The following MYO7B variants were observed in gnomAD, a reference collection of about 807,000 sequenced individuals.
MYO7B encodes the protein myosin VIIB.
Under a neutral mutation model 259.7 loss-of-function variants are expected in MYO7B, and 212 were observed. The observed-to-expected ratio is 0.82, with a 90% CI of 0.73 to 0.91. MYO7B has a LOEUF of 0.91. Among genes scored for constraint, MYO7B ranks in the 40% least tolerant of loss-of-function variants. The pLI is 0.00. For synonymous variants in MYO7B, 1,197 were observed against 1,166.4 expected, an observed-to-expected ratio of 1.03 and a Z score of -0.54; for missense variants, 2,732 against 2,813.5, an observed-to-expected ratio of 0.97 and a Z score of 0.66.
chr2:127,635,790 C>G lies in MYO7B; in HGVS notation c.5889C>G (p.Leu1963=). Residue 1963 remains leucine (L), a synonymous_variant, in exon 44 of 48, where the codon CTC becomes CTG. Transcript: ENST00000409816. ...SREDAIHLAG[L]IYKAQFNNDR... Reference sequence around the variant, plus strand: ...AGGATGCCATCCACCTGGCGGGCCTCATCTACAAGGCCCAGTTCAACAACG... The same window carrying G: ...AGGATGCCATCCACCTGGCGGGCCTGATCTACAAGGCCCAGTTCAACAACG... The G allele has an allele frequency of 6.3e-7, 1 of 1,597,226 alleles. No individual in the cohort carries two copies. The highest frequency in any genetic ancestry group is 8.5e-7 in the Non-Finnish European group (1 of 1,172,140).
Position 127,628,552 on chromosome 2 carries a change from G to T in MYO7B, c.4624+17G>T. 8.5e-7 allele frequency: 1 copy of T among 1,177,836 alleles called. No individual in the cohort carries two copies. The highest frequency in any genetic ancestry group is 2.7e-5 in the East Asian group (1 of 37,304). 73.0% of individuals were successfully genotyped at this position (1,177,836 alleles called of 1,614,324 possible). Reference sequence around the variant, plus strand: ...AGGCCACAGGTGCCAGACTGGGTGGGGTGGGGTGGGGTGGGGTGGGGTGGG... The same window carrying T: ...AGGCCACAGGTGCCAGACTGGGTGGTGTGGGGTGGGGTGGGGTGGGGTGGG... On this transcript the variant is annotated intron_variant, in intron 34 of 47. Coordinates refer to ENST00000409816, the MANE Select transcript of MYO7B (RefSeq NM_001393586.1). The surrounding 1 kb of genome is among the most constrained non-coding windows in gnomAD (Gnocchi z 4.8).
At chr2:127,626,942 G>A (rs769852505) in intron 31 of MYO7B, 33 bp from the exon 32 acceptor site, 35 of 1,568,898 alleles carry the variant, frequency 2.2e-5, no homozygotes, top group Non-Finnish European at 2.7e-5. Context: ...GGGAAGGCAG[G>A]TGACGGAGGT....
At chr2:127,573,284 CTGAG>C (rs1678723188) in intron 6 of MYO7B, among the ~76,000 whole-genome samples, 1 of 152,200 alleles carries the variant, frequency 6.6e-6, no homozygotes, top group African/African-American at 2.4e-5. Context: ...AGAACTAGTA[CTGAG>C]TATTTTGTTC....
chr2:127,564,714 C>T (rs1678258451), intron 3 of MYO7B, among the ~76,000 whole-genome samples: 2 of 152,172 alleles, frequency 1.3e-5, no homozygotes, highest in Non-Finnish European at 2.9e-5. Context: ...GGTCACTTAG[C>T]TCCTCAGATT....
At chr2:127,625,261 C>A in intron 30 of MYO7B, 107 bp from the exon 31 acceptor site, 2 of 1,308,278 alleles carry the variant, frequency 1.5e-6, no homozygotes, top group Non-Finnish European at 2.0e-6. Flanking sequence ...CACAGGTTAG[C>A]TCCCCTGTGA....
chr2:127,610,926 A>T (rs180961110), intron 24 of MYO7B, among the ~76,000 whole-genome samples: 1 of 152,192 alleles, frequency 6.6e-6, no homozygotes, highest in Non-Finnish European at 1.5e-5. Flanking sequence ...CTGTGTAACA[A>T]ATTACCCCCC....
At chr2:127,571,442 G>GTTTTTTTTTTTTGTTTTTTTTTTTT (rs1553448473) in intron 6 of MYO7B, among the ~76,000 whole-genome samples, 1 of 41,984 alleles carries the variant, frequency 2.4e-5, no homozygotes. Flanking sequence ...TTACCAGTGA[G>GTTTTTTTTTTTTGTTTTTTTTTTTT]TTTTTTTTTT....
chr2:127,633,530 T>C (rs1681633833), intron 40 of MYO7B, among the ~76,000 whole-genome samples, 167 bp downstream of exon 40: 1 of 152,146 alleles, frequency 6.6e-6, no homozygotes, highest in Non-Finnish European at 1.5e-5. Flanking sequence ...AGGCCCCACC[T>C]GCCCTTGGGT....
Position 127,627,144 on chromosome 2 carries a change from G to C in MYO7B, c.4334-40G>C. On this transcript the variant is annotated intron_variant, in intron 32 of 47. Coordinates refer to ENST00000409816, the MANE Select transcript of MYO7B (RefSeq NM_001393586.1). This position sits in a 1 kb window ranked among gnomAD's most constrained non-coding sequence, Gnocchi z 5.6. ...AGCAGGTATGGGCTGGGCACCCAGGGGTCCCATGCAGCCTTCACACTGCCG... is the reference window on the plus strand; with the variant it reads ...AGCAGGTATGGGCTGGGCACCCAGGCGTCCCATGCAGCCTTCACACTGCCG... The C allele has an allele frequency of 6.2e-7, 1 of 1,603,998 alleles. No homozygotes were observed. The highest frequency in any genetic ancestry group is 8.5e-7 in the Non-Finnish European group (1 of 1,175,488).
chr2:127,597,903 G>T lies in MYO7B; in HGVS notation c.2339+1347G>T, dbSNP rs1466143254. ...TCCGCCCGCCTCAGCCTCTCAAAGT[G>T]CTGGGATTGCAGGTGTGAGCCACTG... On this transcript the variant is annotated intron_variant, in intron 19 of 47. Coordinates refer to ENST00000409816, the MANE Select transcript of MYO7B (RefSeq NM_001393586.1). This position sits in a 1 kb window ranked among gnomAD's most constrained non-coding sequence, Gnocchi z 4.8. Among the ~76,000 whole-genome samples, 1 of 152,052 alleles carries T rather than the reference G, an allele frequency of 6.6e-6. No individual in the cohort carries two copies. Among genetic ancestry groups the T allele is most frequent in the Non-Finnish European group, 1.5e-5 (1 of 68,004 alleles).
intron 37 of MYO7B, 83 bp downstream of exon 37, chr2:127,631,446 C>T: frequency 6.4e-7 from 1 of 1,552,896 alleles, no homozygotes; most frequent in Non-Finnish European, 8.7e-7. Flanking sequence ...CAGCTGTGCT[C>T]TAGGGCAGGA....
intron 1 of MYO7B, among the ~76,000 whole-genome samples, chr2:127,554,731 A>AT (rs920658452): frequency 6.6e-6 from 1 of 151,520 alleles, no homozygotes; most frequent in Non-Finnish European, 1.5e-5. Context: ...GTTGCTGGTA[A>AT]TTTTTTTTAT....
In MYO7B at chr2:127,539,611, G is replaced by A. The variant is rs2104784428; in HGVS notation, c.-24+3780G>A. Among the ~76,000 whole-genome samples the A allele has an allele frequency of 6.6e-6, 1 of 152,290 alleles. No homozygotes were observed. Among genetic ancestry groups the A allele is most frequent in the East Asian group, 1.9e-4 (1 of 5,188 alleles). On this transcript the variant is annotated intron_variant, in intron 1 of 47. Coordinates refer to ENST00000409816, the MANE Select transcript of MYO7B (RefSeq NM_001393586.1). This position sits in a 1 kb window ranked among gnomAD's most constrained non-coding sequence, Gnocchi z 4.0. ...GGAGGGCACCTCACGGGCTATCTCA[G>A]CATGAAGGGGGCTTCTCAAGGACTA...
chr2:127,607,277 G>A lies in MYO7B; in HGVS notation c.2496G>A (p.Met832Ile), dbSNP rs760790587. The A allele has an allele frequency of 7.9e-5, 122 of 1,551,216 alleles. No individual in the cohort carries two copies. Among genetic ancestry groups the A allele is most frequent in the Non-Finnish European group, 9.6e-6 (11 of 1,147,022 alleles). Reference protein sequence around the residue: ...SQPLARQYQAMRQRTVQLQAL... With the variant: ...SQPLARQYQAIRQRTVQLQAL... ...CGCTGGCGAGGCAGTACCAGGCCAT[G>A]CGGCAGAGGACAGTCCAGCTGCAGG... The change falls in exon 21 of 48, where the codon ATG becomes ATA. Residue 832 changes from methionine to isoleucine, a missense_variant. By Grantham distance (10) the Met-to-Ile change is conservative (BLOSUM62 1). Around this residue, in one of 3 missense-constraint regions of MYO7B, gnomAD observed 1,906 missense variants for 2,026.4 expected, o/e 0.94. Transcript: ENST00000409816. This position sits in a 1 kb window ranked among gnomAD's most constrained non-coding sequence, Gnocchi z 4.4.
Position 127,611,531 on chromosome 2 carries a change from C to T in MYO7B, c.3193-719C>T, listed in dbSNP as rs1680388491. 6.6e-6 allele frequency among the ~76,000 whole-genome samples: 1 copy of T among 152,192 alleles called. No homozygotes were observed. On this transcript the variant is annotated intron_variant, in intron 24 of 47. Transcript: ENST00000409816. The surrounding 1 kb of genome is among the most constrained non-coding windows in gnomAD (Gnocchi z 5.4). ...ACAGAGCAGTGAGCCCAGCAAGCCT[C>T]ACTGCCCTCACGGACTTTGCCAGCT...
At chr2:127,547,101 C>T (rs1363263009) in intron 1 of MYO7B, among the ~76,000 whole-genome samples, 1 of 152,158 alleles carries the variant, frequency 6.6e-6, no homozygotes, top group East Asian at 1.9e-4. Flanking sequence ...TCCACCAACC[C>T]ATCCATCCAT....
In MYO7B at chr2:127,615,386, G is replaced by A. The variant is rs78092849; in HGVS notation, c.3398+2783G>A. ...GATGAACGTAGAAATGAAAACTGAA[G>A]ACAAAAGAAACTTTTAAAGGAAGGG... On this transcript the variant is annotated intron_variant, in intron 26 of 47. Coordinates refer to ENST00000409816, the MANE Select transcript of MYO7B (RefSeq NM_001393586.1). This position sits in a 1 kb window ranked among gnomAD's most constrained non-coding sequence, Gnocchi z 4.4. Among the ~76,000 whole-genome samples the A allele has an allele frequency of 7.6e-3, 1,155 of 152,206 alleles. 7 individuals are homozygous for A. Among genetic ancestry groups the A allele is most frequent in the Middle Eastern group, 0.017 (5 of 294 alleles).
intron 2 of MYO7B, among the ~76,000 whole-genome samples, chr2:127,562,286 AT>A (rs1678121572): frequency 6.6e-6 from 1 of 151,816 alleles, no homozygotes; most frequent in African/African-American, 2.4e-5. Context: ...CCTAATTCTA[AT>A]TTTATTTTAT....
chr2:127,596,510 A>G lies in MYO7B; in HGVS notation c.2293A>G (p.Arg765Gly). The change falls in exon 19 of 48, where the codon AGA (arginine) becomes GGA (glycine). Residue 765 changes from arginine to glycine, a missense_variant. Physicochemically the swap from Arg to Gly is moderately radical, Grantham distance 125. Coordinates refer to ENST00000409816, the MANE Select transcript of MYO7B (RefSeq NM_001393586.1). Reference protein sequence around the residue: ...LEVQRSQVLDRAALSIQKVLR... With the variant: ...LEVQRSQVLDGAALSIQKVLR... ...GGTACAGAGAAGCCAGGTGCTAGAC[A>G]GAGCGGCGCTCAGCATCCAGAAAGT... 6.2e-7 allele frequency: 1 copy of G among 1,613,764 alleles called. No individual in the cohort carries two copies. The highest frequency in any genetic ancestry group is 8.5e-7 in the Non-Finnish European group (1 of 1,179,804).
Sources: allele counts gnomAD v4.1 joint callset (sites outside exome capture counted in the v4.1 genomes callset), GRCh38; gene constraint gnomAD v4.1.1; regional missense constraint gnomAD v4.1.1; non-coding constraint Gnocchi (gnomAD v3.1); transcripts MANE v1.5; gene names NCBI Gene and HGNC (gene_info 2026-07-23, HGNC 2026-07-21).